The following DLGAP1 variants were observed in gnomAD, a reference collection of about 807,000 sequenced individuals.
DLGAP1 encodes DLG associated protein 1.
A neutral mutation model predicts 90.8 loss-of-function variants in DLGAP1; 11 were observed. The observed-to-expected ratio is 0.12, with a 90% CI of 0.08 to 0.20. DLGAP1 has a LOEUF of 0.20. Among genes scored for constraint, DLGAP1 ranks in the 10% least tolerant of loss-of-function variants. The probability of loss-of-function intolerance (pLI) is 1.00; values close to 1 mark genes in which losing one functional copy is unlikely to be tolerated. For missense variants in DLGAP1, 1,050 were observed against 1,333.8 expected (o/e 0.79, Z 3.31); for synonymous variants, 558 against 540.7 (o/e 1.03, Z -0.44).
intron 9 of DLGAP1, among the ~76,000 whole-genome samples, chr18:3,551,484 G>C (rs866827593): frequency 6.6e-6 from 1 of 151,980 alleles, no homozygotes. Flanking sequence ...TCTGACCTCA[G>C]GTGATCTGCC....
chr18:4,436,812 AT>A (rs777018553), intron 1 of DLGAP1, among the ~76,000 whole-genome samples: 30 of 152,256 alleles, frequency 2.0e-4, no homozygotes, highest in Middle Eastern at 6.8e-3. Context: ...AGGGGTTAAT[AT>A]TTTTCATTGG....
At chr18:3,717,520 CT>C (rs973283636) in intron 7 of DLGAP1, among the ~76,000 whole-genome samples, 1 of 151,986 alleles carries the variant, frequency 6.6e-6, no homozygotes, top group South Asian at 2.1e-4. Context: ...TCTAGAGGTT[CT>C]TTTTTTTCCA....
At chr18:4,199,638 A>G (rs1447308422) in intron 1 of DLGAP1, among the ~76,000 whole-genome samples, 1 of 152,228 alleles carries the variant, frequency 6.6e-6, no homozygotes, top group African/African-American at 2.4e-5. Context: ...TGACTTCTGG[A>G]TCCGCCTTTA....
chr18:3,747,828 C>T (rs2063333475), intron 5 of DLGAP1, among the ~76,000 whole-genome samples: 1 of 152,158 alleles, frequency 6.6e-6, no homozygotes, highest in African/African-American at 2.4e-5. Context: ...TAATAACACA[C>T]AAAATATAAG....
intron 7 of DLGAP1, among the ~76,000 whole-genome samples, chr18:3,636,743 T>TTG (rs1491281113): frequency 7.6e-6 from 1 of 130,756 alleles, no homozygotes; most frequent in Non-Finnish European, 1.6e-5. Flanking sequence ...TTTTTTTTTT[T>TTG]GAGATGGGAT....
chr18:4,292,468 G>A (rs2143066047), intron 1 of DLGAP1, among the ~76,000 whole-genome samples: 1 of 151,836 alleles, frequency 6.6e-6, no homozygotes, highest in African/African-American at 2.4e-5. Context: ...TAAAATATGA[G>A]CATTTCCTAT....
At chr18:3,563,551 C>G (rs1011324241) in intron 9 of DLGAP1, among the ~76,000 whole-genome samples, 2 of 151,924 alleles carry the variant, frequency 1.3e-5, no homozygotes, top group Non-Finnish European at 2.9e-5. Context: ...CTCACCACAA[C>G]CTCCGCCTCC....
intron 2 of DLGAP1, among the ~76,000 whole-genome samples, chr18:4,062,728 G>T (rs1272367111): frequency 6.6e-6 from 1 of 152,090 alleles, no homozygotes; most frequent in East Asian, 1.9e-4. Context: ...ATAAAAATGA[G>T]AATGGGAGAG....
intron 3 of DLGAP1, among the ~76,000 whole-genome samples, chr18:3,989,996 A>G (rs1427154378): frequency 1.3e-5 from 2 of 152,096 alleles, no homozygotes; most frequent in African/African-American, 4.8e-5. Flanking sequence ...GGTGCTGGAG[A>G]GGATGTGGAG....
At chr18:4,413,881 T>C (rs770581574) in intron 1 of DLGAP1, among the ~76,000 whole-genome samples, 38 of 152,198 alleles carry the variant, frequency 2.5e-4, no homozygotes, top group Non-Finnish European at 4.9e-4. Context: ...ATATACTCTA[T>C]ACTTCAAGAA....
intron 1 of DLGAP1, among the ~76,000 whole-genome samples, chr18:4,152,072 T>C (rs2076683730): frequency 1.3e-5 from 2 of 152,202 alleles, no homozygotes; most frequent in African/African-American, 4.8e-5. Context: ...TTCCAGATCA[T>C]ATCACATGCT....
chr18:4,108,598 TTAGC>T (rs1330148650), intron 2 of DLGAP1, among the ~76,000 whole-genome samples: 5 of 58,724 alleles, frequency 8.5e-5, no homozygotes, highest in African/African-American at 5.4e-4. Flanking sequence ...TTTATTAGCA[TTAGC>T]TAATAAATTA....
chr18:4,206,265 C>T lies in DLGAP1; in HGVS notation c.-266-54978G>A, dbSNP rs368060574. Among the ~76,000 whole-genome samples, 67 of 152,198 alleles carry T rather than the reference C, an allele frequency of 4.4e-4. No homozygotes were observed. In the East Asian group the frequency reaches 5.8e-3, roughly 13 times the overall value. ...AATCCACTTCCTTTCTCAACTGCCC[C>T]AAACAAGCATTGTGAGTTTCTCATG... On this transcript the variant is annotated intron_variant, in intron 1 of 12. Coordinates refer to ENST00000315677, the MANE Select transcript of DLGAP1 (RefSeq NM_004746.4).
chr18:4,165,797 TCAAAA>T (rs1417457990), intron 1 of DLGAP1, among the ~76,000 whole-genome samples: 4 of 152,042 alleles, frequency 2.6e-5, no homozygotes, highest in African/African-American at 9.7e-5. Flanking sequence ...GGAGATCCAC[TCAAAA>T]CCATTATAGA....
intron 4 of DLGAP1, among the ~76,000 whole-genome samples, chr18:3,857,114 GA>G (rs2069698772): frequency 6.6e-6 from 1 of 151,994 alleles, no homozygotes; most frequent in African/African-American, 2.4e-5. Context: ...GTCTCCATCT[GA>G]AAATAACAAA....
chr18:4,195,193 T>C (rs1194222016), intron 1 of DLGAP1, among the ~76,000 whole-genome samples: 1 of 152,210 alleles, frequency 6.6e-6, no homozygotes, highest in African/African-American at 2.4e-5. Flanking sequence ...GAAAATTTTG[T>C]CTCTGTGCAC....
At chr18:4,048,463 G>T (rs955108292) in intron 2 of DLGAP1, among the ~76,000 whole-genome samples, 6 of 152,046 alleles carry the variant, frequency 3.9e-5, no homozygotes, top group African/African-American at 1.4e-4. Context: ...AATCTTTTTT[G>T]GTCAGAAGTG....
intron 1 of DLGAP1, among the ~76,000 whole-genome samples, chr18:4,402,130 T>C (rs1378100444): frequency 6.6e-6 from 1 of 152,168 alleles, no homozygotes; most frequent in Non-Finnish European, 1.5e-5. Flanking sequence ...AACACTAAAA[T>C]ATATCATCCC....
rs575134228 is a variant in DLGAP1 at position 3,867,054 on chromosome 18, A to C, written c.957+12058T>G. ...TCTTTAGTAGAGACGGGGTTTCACT[A>C]TGTTGGCCATGCTGGTCTTGAACTC... On this transcript the variant is annotated intron_variant, in intron 4 of 12. Coordinates refer to ENST00000315677, the MANE Select transcript of DLGAP1 (RefSeq NM_004746.4). Among the ~76,000 whole-genome samples the C allele has an allele frequency of 3.5e-4, 53 of 152,164 alleles. No individual in the cohort carries two copies. In the Middle Eastern group the frequency reaches 0.02, roughly 59 times the overall value.
Sources: gnomAD v4.1 joint callset for allele counts (sites outside exome capture counted in the v4.1 genomes callset) on GRCh38, gnomAD v4.1.1 for gene constraint, MANE v1.5 for transcripts, NCBI Gene and HGNC (gene_info 2026-07-23, HGNC 2026-07-21) for gene names.